The following WWC1 variants were observed in gnomAD, a reference collection of about 807,000 sequenced individuals.
WWC1 encodes the protein protein KIBRA.
A neutral mutation model predicts 138.4 loss-of-function variants in WWC1; 55 were observed. That is an observed-to-expected ratio of 0.40 (90% CI 0.32 to 0.50). The LOEUF is 0.50. WWC1 is among the 20% of genes least tolerant of loss of function. The pLI, the probability that WWC1 is intolerant of heterozygous loss-of-function variation, is 0.72. For synonymous variants in WWC1, 524 were observed against 564.9 expected, an observed-to-expected ratio of 0.93 and a Z score of 1.03; for missense variants, 1,226 against 1,420.4, an observed-to-expected ratio of 0.86 and a Z score of 2.20.
chr5:168,362,071 G>A (rs908001237), intron 1 of WWC1, among the ~76,000 whole-genome samples: 6 of 152,102 alleles, frequency 3.9e-5, no homozygotes, highest in African/African-American at 1.4e-4. Flanking sequence ...CAACAAGAGT[G>A]AAACTCCATC....
intron 1 of WWC1, among the ~76,000 whole-genome samples, chr5:168,339,520 C>T (rs888109568): frequency 1.3e-5 from 2 of 152,156 alleles, no homozygotes; most frequent in African/African-American, 4.8e-5. Flanking sequence ...GGGTGGCTTT[C>T]CCTGGTTCTG....
At chr5:168,357,255 C>G (rs1394274743) in intron 1 of WWC1, among the ~76,000 whole-genome samples, 1 of 151,726 alleles carries the variant, frequency 6.6e-6, no homozygotes, top group Admixed American at 6.6e-5. Flanking sequence ...GAGGTTACAA[C>G]TGTTAATAAG....
At chr5:168,465,923 G>T (rs757357396) in intron 21 of WWC1, among the ~76,000 whole-genome samples, 5 of 152,152 alleles carry the variant, frequency 3.3e-5, no homozygotes, top group Admixed American at 6.6e-5. Flanking sequence ...TTCCAAAGGT[G>T]CTGGGGGCTA....
chr5:168,385,417 G>A lies in WWC1; in HGVS notation c.433+3G>A, dbSNP rs759957091. Reference sequence around the variant, plus strand: ...TAAGCTGGGCTCCCAGGTCAGCTGTGAGTACCTCCCACTACCACCACCCCC... The same window carrying A: ...TAAGCTGGGCTCCCAGGTCAGCTGTAAGTACCTCCCACTACCACCACCCCC... On this transcript the variant is annotated splice_donor_region_variant and intron_variant, in intron 3 of 22. Coordinates refer to ENST00000265293, the MANE Select transcript of WWC1 (RefSeq NM_015238.3). 5.0e-6 allele frequency: 8 copies of A among 1,612,760 alleles called. No homozygotes were observed. The highest frequency in any genetic ancestry group is 5.1e-6 in the Non-Finnish European group (6 of 1,179,752).
chr5:168,397,594 C>T, intron 3 of WWC1, 130 bp from the exon 4 acceptor site: 1 of 853,894 alleles, frequency 1.2e-6, no homozygotes, highest in Non-Finnish European at 1.9e-6. Flanking sequence ...AACAAATCCC[C>T]CTTTGTTGAA....
intron 1 of WWC1, among the ~76,000 whole-genome samples, chr5:168,304,430 C>A (rs6555796): frequency 6.6e-6 from 1 of 152,124 alleles, no homozygotes; most frequent in East Asian, 1.9e-4. Context: ...ATAAAACAAA[C>A]ATTTACCAGC....
chr5:168,437,060 C>T (rs1221811245), intron 15 of WWC1, among the ~76,000 whole-genome samples: 1 of 136,002 alleles, frequency 7.4e-6, no homozygotes, highest in Non-Finnish European at 1.6e-5. Flanking sequence ...CTTCCTCCAG[C>T]CTCGTGTTCC....
At chr5:168,379,291 T>C (rs752264123) in intron 2 of WWC1, among the ~76,000 whole-genome samples, 41 of 152,200 alleles carry the variant, frequency 2.7e-4, no homozygotes, top group Non-Finnish European at 8.8e-5. Context: ...CAAAGTTACC[T>C]ATTTTGGTAA....
At chr5:168,310,308 T>C (rs1423814930) in intron 1 of WWC1, among the ~76,000 whole-genome samples, 1 of 151,920 alleles carries the variant, frequency 6.6e-6, no homozygotes, top group Non-Finnish European at 1.5e-5. Context: ...ATTTACCAGT[T>C]TTTTTGCGTT....
At chr5:168,402,200 C>A (rs1313803406) in intron 5 of WWC1, among the ~76,000 whole-genome samples, 1 of 152,196 alleles carries the variant, frequency 6.6e-6, no homozygotes, top group Non-Finnish European at 1.5e-5. Context: ...AGATAAGACT[C>A]CATGGCAGCT....
Position 168,471,658 on chromosome 5 carries a change from A to G in WWC1, c.*2641A>G, listed in dbSNP as rs1016446210. 6.6e-6 allele frequency: 1 copy of G among 152,276 alleles called. No individual in the cohort carries two copies. Among genetic ancestry groups the G allele is most frequent in the Non-Finnish European group, 1.5e-5 (1 of 68,070 alleles). 9.4% of individuals were successfully genotyped at this position (152,276 alleles called of 1,614,324 possible). A position where few individuals can be genotyped will look rare whatever the true frequency, so the allele number is the denominator to read the frequency against. ...TCCCATGATTAGACCAAGGAGAGGC[A>G]TGGGGTCCAGCTGAGCCATTCAGAA... On this transcript the variant is annotated 3_prime_UTR_variant, in exon 23 of 23. Transcript: ENST00000265293.
chr5:168,379,970 T>C (rs1239223177), intron 2 of WWC1, among the ~76,000 whole-genome samples: 1 of 152,160 alleles, frequency 6.6e-6, no homozygotes, highest in Non-Finnish European at 1.5e-5. Flanking sequence ...GGACAAGTCA[T>C]AAAAAGCACT....
At chr5:168,372,053 TTGTGTGTGTGTGTG>T (rs10595228) in intron 2 of WWC1, among the ~76,000 whole-genome samples, 16 of 141,262 alleles carry the variant, frequency 1.1e-4, no homozygotes, top group African/African-American at 1.3e-4. Flanking sequence ...AAGAGTGTGT[TTGTGTGTGTGTGTG>T]TGTGTGTGTG....
intron 7 of WWC1, among the ~76,000 whole-genome samples, chr5:168,409,127 T>C (rs1780030654): frequency 6.6e-6 from 1 of 152,190 alleles, no homozygotes; most frequent in Non-Finnish European, 1.5e-5. Flanking sequence ...TAGTTATGAA[T>C]AGTGAAAGCA....
At chr5:168,363,669 T>C (rs1443781042) in intron 1 of WWC1, among the ~76,000 whole-genome samples, 1 of 151,570 alleles carries the variant, frequency 6.6e-6, no homozygotes, top group Non-Finnish European at 1.5e-5. Context: ...AAAATCGGGG[T>C]ATAAAACCTA....
At chr5:168,306,601 A>G (rs1770583833) in intron 1 of WWC1, among the ~76,000 whole-genome samples, 1 of 151,772 alleles carries the variant, frequency 6.6e-6, no homozygotes, top group African/African-American at 2.4e-5. Flanking sequence ...TTTATTTTCT[A>G]TTTATTTGTT....
chr5:168,422,241 CAG>C (rs1205986701), intron 10 of WWC1, 144 bp downstream of exon 10: 2 of 781,026 alleles, frequency 2.6e-6, no homozygotes, highest in African/African-American at 3.5e-5. Flanking sequence ...GGATTGTCAG[CAG>C]ACTCGGGCGT....
intron 1 of WWC1, among the ~76,000 whole-genome samples, chr5:168,345,865 A>C (rs1774423994): frequency 6.6e-6 from 1 of 152,200 alleles, no homozygotes; most frequent in South Asian, 2.1e-4. Flanking sequence ...TGATTAAGAG[A>C]GCAAGCTGTG....
chr5:168,365,769 T>C (rs1016695811), intron 1 of WWC1, among the ~76,000 whole-genome samples: 7 of 152,230 alleles, frequency 4.6e-5, no homozygotes, highest in African/African-American at 1.4e-4. Flanking sequence ...CAGGAGGGCC[T>C]GTTGAGAAAC....
Sources: allele counts gnomAD v4.1 joint callset (sites outside exome capture counted in the v4.1 genomes callset), GRCh38; gene constraint gnomAD v4.1.1; transcripts MANE v1.5; gene names NCBI Gene and HGNC (gene_info 2026-07-23, HGNC 2026-07-21).